KLHL9: variants seen among roughly 807,000 people sequenced by gnomAD.
KLHL9 encodes the protein kelch-like protein 9.
Under a neutral mutation model 42.3 loss-of-function variants are expected in KLHL9, and 27 were observed. The observed-to-expected ratio is 0.64, with a 90% confidence interval of 0.47 to 0.88. KLHL9 has a LOEUF of 0.88. Ranked by LOEUF, KLHL9 falls within the 40% of genes least tolerant of loss-of-function variation. The pLI is 0.00. For synonymous variants in KLHL9, 274 were observed against 254.4 expected, an observed-to-expected ratio of 1.08 and a Z score of -0.73; for missense variants, 629 against 750.3, an observed-to-expected ratio of 0.84 and a Z score of 1.89.
Position 21,334,725 on chromosome 9 carries a change from T to C in KLHL9, c.135A>G (p.Ile45Met). 1 of 1,612,664 alleles carries C rather than the reference T, an allele frequency of 6.2e-7. No homozygotes were observed. Among genetic ancestry groups the C allele is most frequent in the Non-Finnish European group, 8.5e-7 (1 of 1,178,876 alleles). ...VVLQGFDQLR[I>M]EGLLCDVTLV... ...GGGTCACATCACAAAGCAATCCTTC[T>C]ATTCTAAGCTGATCAAAGCCTTGCA... The change falls in exon 1 of 1, where the codon ATA becomes ATG. Residue 45 changes from isoleucine (I) to methionine (M), a missense_variant. Physicochemically the swap from Ile to Met is conservative, Grantham distance 10. This residue lies in a region of KLHL9 where 351 missense variants were observed against 363.1 expected (regional missense o/e 0.97). Coordinates refer to ENST00000359039, the MANE Select transcript of KLHL9 (RefSeq NM_018847.4). The surrounding 1 kb of genome is among the most constrained non-coding windows in gnomAD (Gnocchi z 5.1).
chr9:21,335,120 T>A lies in KLHL9; in HGVS notation c.-261A>T, dbSNP rs1820247180. The A allele has an allele frequency of 5.5e-6, 3 of 548,608 alleles. No homozygotes were observed. The highest frequency in any genetic ancestry group is 3.6e-5 in the Admixed American group (1 of 27,510). The allele number at this position is 548,608 out of a possible 1,614,324, so 34.0% of individuals were successfully genotyped here. On this transcript the variant is annotated 5_prime_UTR_variant, in exon 1 of 1. Transcript: ENST00000359039. ...ACCTGAAGGCGGTTAAATGACCTGG[T>A]TCACCTCGTCCGGCCTGCGCTGCCG...
At position 21,334,234 on chromosome 9, in the gene KLHL9, T is replaced by C. The variant is rs1365598399; in HGVS notation, c.626A>G (p.His209Arg). ...CTTAAAGAGTTCAAGTTCGGTACAG[T>C]GCTTAAGACTATTACTGGAAAGCAC... Reference protein sequence around the residue: ...AFVLSSNSLKHCTELELFKAA... With the variant: ...AFVLSSNSLKRCTELELFKAA... The change falls in exon 1 of 1, where the codon CAC (histidine) becomes CGC (arginine). Residue 209 changes from histidine (H) to arginine (R), a missense_variant. Transcript: ENST00000359039. The surrounding 1 kb of genome is among the most constrained non-coding windows in gnomAD (Gnocchi z 5.1). 1 of 1,614,200 alleles carries C rather than the reference T, an allele frequency of 6.2e-7. No homozygotes were observed.
Position 21,334,016 on chromosome 9 carries a change from T to C in KLHL9, c.844A>G (p.Met282Val), listed in dbSNP as rs755761257. Residue 282 changes from methionine (M) to valine (V), a missense_variant, in exon 1 of 1, where the codon ATG becomes GTG. By Grantham distance (21) the Met-to-Val change is conservative. Coordinates refer to ENST00000359039, the MANE Select transcript of KLHL9 (RefSeq NM_018847.4). The surrounding 1 kb of genome is among the most constrained non-coding windows in gnomAD (Gnocchi z 5.1). ...CTATCTGACTGCATCACTGGCTGCA[T>C]ATATGGCATCATTTGGTAATTGCTA... ...EASNYQMMPY[M>V]QPVMQSDRTA... 1.9e-5 allele frequency: 31 copies of C among 1,614,208 alleles called. 1 individual carries two copies. The South Asian group carries it at 3.3e-4, about 17-fold the overall frequency.
rs1563854031 is a variant in KLHL9, at chr9:21,333,032, G to A, written c.1828C>T (p.Leu610Phe). The A allele has an allele frequency of 6.2e-7, 1 of 1,614,192 alleles. No homozygotes were observed. Among genetic ancestry groups the A allele is most frequent in the Non-Finnish European group, 8.5e-7 (1 of 1,180,030 alleles). ...TAAGAATGATCTGAAGGTGCTGAAA[G>A]AGGTGATTCTCTAGAAGGTGACCCA... ...NPGSPSRESPLSAPSDHS is the reference protein window; with the variant it reads ...NPGSPSRESPFSAPSDHS The change falls in exon 1 of 1, where the codon CTT becomes TTT. Residue 610 changes from leucine (L) to phenylalanine (F), a missense_variant. This residue lies in a region of KLHL9 where 61 missense variants were observed against 63.5 expected (regional missense o/e 0.96). Transcript: ENST00000359039. This position sits in a 1 kb window ranked among gnomAD's most constrained non-coding sequence, Gnocchi z 7.5.
rs770505778 is a variant in KLHL9 at position 21,334,198 on chromosome 9, C to T, written c.662G>A (p.Arg221His). Residue 221 changes from arginine to histidine, a missense_variant, in exon 1 of 1, where the codon CGC (arginine) becomes CAC (histidine). This residue lies in a region of KLHL9 where 351 missense variants were observed against 363.1 expected (regional missense o/e 0.97). Transcript: ENST00000359039. This position sits in a 1 kb window ranked among gnomAD's most constrained non-coding sequence, Gnocchi z 5.1. ...CCGAGGGTCTTCCAACCTTAGCCAG[C>T]GACAGGCTGCCTTAAAGAGTTCAAG... is the stretch of plus-strand genomic sequence containing the variant. ...TELELFKAAC[R>H]WLRLEDPRMD... 3.1e-6 allele frequency: 5 copies of T among 1,614,154 alleles called. No individual in the cohort carries two copies. Among genetic ancestry groups the T allele is most frequent in the Non-Finnish European group, 3.4e-6 (4 of 1,180,040 alleles).
chr9:21,332,936 TAAG>T lies in KLHL9; in HGVS notation c.*67_*69del. The T allele has an allele frequency of 5.6e-6, 9 of 1,607,318 alleles. No homozygotes were observed. The highest frequency in any genetic ancestry group is 2.2e-5 in the East Asian group (1 of 44,774). On this transcript the variant is annotated 3_prime_UTR_variant, in exon 1 of 1. Transcript: ENST00000359039. The stretch of plus-strand genomic sequence containing the variant: ...TATCTAATAACTGTACCAATCACTG[TAAG>T]AAGATACAACTGAAGGGGAAGTATT...
In KLHL9 at chr9:21,332,257, T is replaced by C. The variant is rs1447176012; in HGVS notation, c.*749A>G. ...TTCAGTATGACTACATAGACATTTATTCTCTGGTACTGAATTTCCATTTGA... is the reference window on the plus strand; with the variant it reads ...TTCAGTATGACTACATAGACATTTACTCTCTGGTACTGAATTTCCATTTGA... On this transcript the variant is annotated 3_prime_UTR_variant, in exon 1 of 1. Coordinates refer to ENST00000359039, the MANE Select transcript of KLHL9 (RefSeq NM_018847.4). The C allele has an allele frequency of 6.6e-6, 1 of 152,642 alleles. No homozygotes were observed. Among genetic ancestry groups the C allele is most frequent in the African/African-American group, 2.4e-5 (1 of 41,450 alleles). The allele number at this position is 152,642 out of a possible 1,614,324, so 9.5% of individuals were successfully genotyped here.
At position 21,334,667 on chromosome 9, in the gene KLHL9, C is replaced by T. The variant is rs771318307; in HGVS notation, c.193G>A (p.Val65Ile). 3.1e-6 allele frequency: 5 copies of T among 1,614,174 alleles called. No individual in the cohort carries two copies. In the Admixed American group the frequency reaches 5.0e-5, roughly 16 times the overall value. The change falls in exon 1 of 1, where the codon GTT (valine) becomes ATT (isoleucine). Residue 65 changes from valine to isoleucine, a missense_variant. Transcript: ENST00000359039. This position sits in a 1 kb window ranked among gnomAD's most constrained non-coding sequence, Gnocchi z 5.1. ...GCAGACGCCATCATAGCTCTGTGAA[C>T]AGGGAAGATTTCATCTCCATCACCT... ...VPGDGDEIFP[V>I]HRAMMASASD...
rs1391255908 is a variant in KLHL9, at chr9:21,331,031, TAC to T, written c.*1973_*1974del. The T allele has an allele frequency of 1.3e-5, 2 of 152,410 alleles. No homozygotes were observed. Among genetic ancestry groups the T allele is most frequent in the Admixed American group, 6.6e-5 (1 of 15,254 alleles). 9.4% of individuals were successfully genotyped at this position (152,410 alleles called of 1,614,324 possible). ...AAATGCAAGCAAATGCAAGTTAAATTACATTTATTATATAAAGAGATCCTATA... is the reference window on the plus strand; with the variant it reads ...AAATGCAAGCAAATGCAAGTTAAATTATTTATTATATAAAGAGATCCTATA... On this transcript the variant is annotated 3_prime_UTR_variant, in exon 1 of 1. Transcript: ENST00000359039.
rs1820176853 is a variant in KLHL9, at chr9:21,331,871, A to C, written c.*1135T>G. The C allele has an allele frequency of 6.6e-6, 1 of 152,644 alleles. No individual in the cohort carries two copies. Among genetic ancestry groups the C allele is most frequent in the Non-Finnish European group, 1.5e-5 (1 of 68,050 alleles). The allele number at this position is 152,644 out of a possible 1,614,324, so 9.5% of individuals were successfully genotyped here. A position where few individuals can be genotyped will look rare whatever the true frequency, so the allele number is the denominator to read the frequency against. Reference sequence around the variant, plus strand: ...TCAGATCATAGCCTCGAGGCAGATCACACAGCTCAGGATGCACATGGACTG... The same window carrying C: ...TCAGATCATAGCCTCGAGGCAGATCCCACAGCTCAGGATGCACATGGACTG... On this transcript the variant is annotated 3_prime_UTR_variant, in exon 1 of 1. Transcript: ENST00000359039.
Position 21,333,113 on chromosome 9 carries a change from A to C in KLHL9, c.1747T>G (p.Ser583Ala). The C allele has an allele frequency of 6.2e-7, 1 of 1,614,144 alleles. No homozygotes were observed. The highest frequency in any genetic ancestry group is 8.5e-7 in the Non-Finnish European group (1 of 1,180,014). The change falls in exon 1 of 1, where the codon TCA becomes GCA. Residue 583 changes from serine to alanine, a missense_variant. Ser to Ala is a moderately conservative substitution (Grantham distance 99). Around this residue, in one of 4 missense-constraint regions of KLHL9, gnomAD observed 61 missense variants for 63.5 expected, o/e 0.96. Transcript: ENST00000359039. This position sits in a 1 kb window ranked among gnomAD's most constrained non-coding sequence, Gnocchi z 7.5. ...EWHKVFDLPE[S>A]LGGIRACTLT... Reference sequence around the variant, plus strand: ...GTACAGGCTCGAATGCCACCAAGTGACTCTGGAAGATCAAAAACTTTATGC... The same window carrying C: ...GTACAGGCTCGAATGCCACCAAGTGCCTCTGGAAGATCAAAAACTTTATGC...
chr9:21,334,432 A>G lies in KLHL9; in HGVS notation c.428T>C (p.Val143Ala), dbSNP rs1469910566. ...QILPVLDFCK[V>A]FLISGVSLDN... ...CAAAGAGACTCCTGATATAAGAAAT[A>G]CTTTACAGAAATCCAAAACGGGTAA... is the stretch of plus-strand genomic sequence containing the variant. The change falls in exon 1 of 1, where the codon GTA becomes GCA. Residue 143 changes from valine (V) to alanine (A), a missense_variant. Physicochemically the swap from Val to Ala is moderately conservative, Grantham distance 64. Around this residue, in one of 4 missense-constraint regions of KLHL9, gnomAD observed 351 missense variants for 363.1 expected, o/e 0.97. Transcript: ENST00000359039. The surrounding 1 kb of genome is among the most constrained non-coding windows in gnomAD (Gnocchi z 5.1). 1 of 1,614,052 alleles carries G rather than the reference A, an allele frequency of 6.2e-7. No homozygotes were observed.
In KLHL9 at chr9:21,334,816, T is replaced by A; in HGVS notation, c.44A>T (p.His15Leu). ...LGNGEMGVSA[H>L]LQPCKAGTTR... Reference sequence around the variant, plus strand: ...GGTTCCTGCCTTACAAGGCTGCAAATGGGCAGAGACGCCCATTTCGCCGTT... The same window carrying A: ...GGTTCCTGCCTTACAAGGCTGCAAAAGGGCAGAGACGCCCATTTCGCCGTT... Residue 15 changes from histidine to leucine, a missense_variant, in exon 1 of 1, where the codon CAT becomes CTT. By Grantham distance (99) the His-to-Leu change is moderately conservative. Around this residue, in one of 4 missense-constraint regions of KLHL9, gnomAD observed 351 missense variants for 363.1 expected, o/e 0.97. Coordinates refer to ENST00000359039, the MANE Select transcript of KLHL9 (RefSeq NM_018847.4). This position sits in a 1 kb window ranked among gnomAD's most constrained non-coding sequence, Gnocchi z 5.1. The A allele has an allele frequency of 6.2e-7, 1 of 1,613,772 alleles. No homozygotes were observed. Among genetic ancestry groups the A allele is most frequent in the Non-Finnish European group, 8.5e-7 (1 of 1,179,930 alleles).
In KLHL9 at chr9:21,335,045, C is replaced by T. The variant is rs1363536934; in HGVS notation, c.-186G>A. On this transcript the variant is annotated 5_prime_UTR_variant, in exon 1 of 1. Coordinates refer to ENST00000359039, the MANE Select transcript of KLHL9 (RefSeq NM_018847.4). ...CACTGAAAATCACCCTGTAGCAGGACCACAAAGGGCTGTGGACCTCAAATC... is the reference window on the plus strand; with the variant it reads ...CACTGAAAATCACCCTGTAGCAGGATCACAAAGGGCTGTGGACCTCAAATC... 4.2e-6 allele frequency: 3 copies of T among 714,464 alleles called. No homozygotes were observed. Among genetic ancestry groups the T allele is most frequent in the South Asian group, 1.9e-5 (1 of 53,022 alleles). The allele number at this position is 714,464 out of a possible 1,614,324, so 44.3% of individuals were successfully genotyped here.
Position 21,334,013 on chromosome 9 carries a change from G to A in KLHL9, c.847C>T (p.Gln283Ter). ...ASNYQMMPYM[Q>*]PVMQSDRTAI... ...GTTCTATCTGACTGCATCACTGGCT[G>A]CATATATGGCATCATTTGGTAATTG... The change falls in exon 1 of 1, where the codon CAG (glutamine) becomes TAG (stop). Residue 283 changes from glutamine to a stop codon, truncating the protein, a stop_gained. Transcript: ENST00000359039. LOFTEE classifies it high-confidence loss of function. This position sits in a 1 kb window ranked among gnomAD's most constrained non-coding sequence, Gnocchi z 5.1. 1 of 1,614,190 alleles carries A rather than the reference G, an allele frequency of 6.2e-7. No homozygotes were observed. The highest frequency in any genetic ancestry group is 8.5e-7 in the Non-Finnish European group (1 of 1,180,020).
In KLHL9 at chr9:21,331,090, G is replaced by C. The variant is rs1401462562; in HGVS notation, c.*1916C>G. On this transcript the variant is annotated 3_prime_UTR_variant, in exon 1 of 1. Coordinates refer to ENST00000359039, the MANE Select transcript of KLHL9 (RefSeq NM_018847.4). The stretch of plus-strand genomic sequence containing the variant: ...TACGAAAAACAAAGCAACTCCAACA[G>C]ATAACAGAAGGGCAAAAGGACAGGA... 6.6e-6 allele frequency: 1 copy of C among 152,562 alleles called. No homozygotes were observed. The highest frequency in any genetic ancestry group is 1.5e-5 in the Non-Finnish European group (1 of 68,024). 9.5% of individuals were successfully genotyped at this position (152,562 alleles called of 1,614,324 possible).
In KLHL9 at chr9:21,331,680, T is replaced by C. The variant is rs1473324885; in HGVS notation, c.*1326A>G. The C allele has an allele frequency of 1.3e-5, 2 of 152,408 alleles. No individual in the cohort carries two copies. Among genetic ancestry groups the C allele is most frequent in the East Asian group, 1.9e-4 (1 of 5,186 alleles). 9.4% of individuals were successfully genotyped at this position (152,408 alleles called of 1,614,324 possible). A position where few individuals can be genotyped will look rare whatever the true frequency, so the allele number is the denominator to read the frequency against. On this transcript the variant is annotated 3_prime_UTR_variant, in exon 1 of 1. Transcript: ENST00000359039. The stretch of plus-strand genomic sequence containing the variant: ...TCAACCAATAGGGATACCTTTGGCA[T>C]TGAAGAGGCTGAGGGTTGATTTTAG...
rs1463833030 is a variant in KLHL9 at position 21,329,824 on chromosome 9, ATAAAT to A, written c.*3177_*3181del. 2.6e-5 allele frequency: 4 copies of A among 151,574 alleles called. No individual in the cohort carries two copies. The highest frequency in any genetic ancestry group is 1.9e-4 in the East Asian group (1 of 5,180). The allele number at this position is 151,574 out of a possible 1,614,324, so 9.4% of individuals were successfully genotyped here. ...TTATCTTCAACATGTGGAATCACTG[ATAAAT>A]TAGTTTGCTTTTATTTTCCTGTACG... On this transcript the variant is annotated 3_prime_UTR_variant, in exon 1 of 1. Transcript: ENST00000359039.
At position 21,332,766 on chromosome 9, in the gene KLHL9, T is replaced by A. The variant is rs1820195598; in HGVS notation, c.*240A>T. The stretch of plus-strand genomic sequence containing the variant: ...CAGTCATCTACAATTTTATATAACA[T>A]CACAAAAAGACATCTAAACATTTTT... On this transcript the variant is annotated 3_prime_UTR_variant, in exon 1 of 1. Coordinates refer to ENST00000359039, the MANE Select transcript of KLHL9 (RefSeq NM_018847.4). 1.9e-6 allele frequency: 1 copy of A among 530,522 alleles called. No homozygotes were observed. Among genetic ancestry groups the A allele is most frequent in the Admixed American group, 3.7e-5 (1 of 27,024 alleles). 32.9% of individuals were successfully genotyped at this position (530,522 alleles called of 1,614,324 possible). A position where few individuals can be genotyped will look rare whatever the true frequency, so the allele number is the denominator to read the frequency against.
Sources: gnomAD v4.1 joint callset for allele counts on GRCh38, gnomAD v4.1.1 for gene constraint, gnomAD v4.1.1 regional missense constraint, Gnocchi (gnomAD v3.1) non-coding constraint, MANE v1.5 for transcripts, NCBI Gene and HGNC (gene_info 2026-07-23, HGNC 2026-07-21) for gene names.